Variants in EDA observed in about 807,000 individuals in gnomAD.
EDA encodes ectodysplasin-A.
Under a neutral mutation model 23.6 loss-of-function variants are expected in EDA, and 2 were observed. That is an observed-to-expected ratio of 0.08 (90% confidence interval 0.03 to 0.27). The LOEUF is 0.27. EDA is among the 10% of genes least tolerant of loss of function. The pLI is 1.00. For synonymous variants in EDA, 131 were observed against 132.0 expected, an observed-to-expected ratio of 0.99 and a Z score of 0.05; for missense variants, 229 against 324.2, an observed-to-expected ratio of 0.71 and a Z score of 2.26.
At chrX:69,980,897 C>T (rs1376373272) in intron 2 of EDA, among the ~76,000 whole-genome samples, 1 of 112,109 alleles carries the variant, frequency 8.9e-6, no homozygotes, top group East Asian at 2.8e-4. Flanking sequence ...TTTTGCCCCT[C>T]TGGGCAGGTG....
intron 1 of EDA, among the ~76,000 whole-genome samples, chrX:69,830,404 G>A (rs182969346): frequency 9.0e-6 from 1 of 111,197 alleles, no homozygotes; most frequent in Non-Finnish European, 1.9e-5. Flanking sequence ...CAGAATACTG[G>A]CTACTGCTGA....
chrX:69,895,197 T>C (rs2017993029), intron 1 of EDA, among the ~76,000 whole-genome samples: 1 of 111,640 alleles, frequency 9.0e-6, no homozygotes, highest in South Asian at 3.7e-4. Flanking sequence ...TCTGTTTATG[T>C]GATGAATCGC....
intron 2 of EDA, among the ~76,000 whole-genome samples, chrX:69,997,352 G>C (rs909728810): frequency 1.8e-5 from 2 of 111,878 alleles, no homozygotes; most frequent in African/African-American, 3.3e-5. Context: ...TCCCACCCTA[G>C]AGATTTATAG....
chrX:69,799,335 T>C (rs1242819999), intron 1 of EDA, among the ~76,000 whole-genome samples: 1 of 110,750 alleles, frequency 9.0e-6, no homozygotes, highest in Non-Finnish European at 1.9e-5. Context: ...AATGGACAAA[T>C]AGGATCACAT....
In EDA at chrX:69,670,183, G is replaced by GTTTTTTTTT. The variant is rs544601085; in HGVS notation, c.396+53490_396+53498dup. 658 of 236,016 alleles carry GTTTTTTTTT rather than the reference G, an allele frequency of 2.8e-3. 8 individuals carry two copies. The highest frequency in any genetic ancestry group is 3.8e-3 in the African/African-American group (87 of 23,170). 19.5% of individuals were successfully genotyped at this position (236,016 alleles called of 1,213,427 possible). A position where few individuals can be genotyped will look rare whatever the true frequency, so the allele number is the denominator to read the frequency against. On this transcript the variant is annotated intron_variant, in intron 1 of 7. Coordinates refer to ENST00000374552, the MANE Select transcript of EDA (RefSeq NM_001399.5). ...CTGGGTATAGTATTCTTGGCTGACT[G>GTTTTTTTTT]TTTTTTTTTTTTTTTTTTTCTTTCA...
chrX:69,907,706 G>A (rs758547004), intron 1 of EDA, among the ~76,000 whole-genome samples: 50 of 111,836 alleles, frequency 4.5e-4, no homozygotes, highest in Non-Finnish European at 7.7e-4. Flanking sequence ...AAAAGTGACA[G>A]CTGGCAGAAC....
At chrX:69,863,620 T>G (rs2017434862) in intron 1 of EDA, among the ~76,000 whole-genome samples, 1 of 75,119 alleles carries the variant, frequency 1.3e-5, no homozygotes, top group African/African-American at 5.0e-5. Context: ...TGTATATATG[T>G]GTGTATTTAT....
intron 2 of EDA, among the ~76,000 whole-genome samples, chrX:69,981,452 A>G (rs1202638729): frequency 3.7e-5 from 4 of 106,963 alleles, no homozygotes; most frequent in African/African-American, 1.3e-4. Flanking sequence ...ATAGTAAGTA[A>G]TTATAATATC....
chrX:69,677,878 A>G (rs1934165827), intron 1 of EDA, among the ~76,000 whole-genome samples: 1 of 111,828 alleles, frequency 8.9e-6, no homozygotes, highest in East Asian at 2.8e-4. Flanking sequence ...TTGGTGTTTT[A>G]GACATGAAGT....
At chrX:69,651,319 A>G (rs775148863) in intron 1 of EDA, among the ~76,000 whole-genome samples, 5 of 111,715 alleles carry the variant, frequency 4.5e-5, no homozygotes, top group Non-Finnish European at 9.4e-5. Context: ...GTGAAACTAG[A>G]ATAGTTGGAT....
intron 1 of EDA, among the ~76,000 whole-genome samples, chrX:69,858,215 C>G (rs896109905): frequency 1.8e-5 from 2 of 111,478 alleles, no homozygotes; most frequent in African/African-American, 6.5e-5. Flanking sequence ...ATTTGGATGC[C>G]CTTTATTTCA....
At chrX:69,861,128 G>C in intron 1 of EDA, 2 of 359,074 alleles carry the variant, frequency 5.6e-6, no homozygotes. Flanking sequence ...CACAGAAGAA[G>C]AAAATGATCC....
chrX:69,776,790 T>C (rs1405670675), intron 1 of EDA, among the ~76,000 whole-genome samples: 1 of 111,293 alleles, frequency 9.0e-6, no homozygotes, highest in African/African-American at 3.3e-5. Context: ...AGTTAGTAGG[T>C]GGTTGGTCTT....
intron 1 of EDA, among the ~76,000 whole-genome samples, chrX:69,699,954 A>T (rs1355730803): frequency 1.8e-5 from 2 of 110,684 alleles, no homozygotes; most frequent in Non-Finnish European, 3.8e-5. Context: ...TAGAAAAGAG[A>T]TAATTTCTTG....
intron 1 of EDA, among the ~76,000 whole-genome samples, chrX:69,863,546 C>CACAT (rs1569359017): frequency 6.3e-5 from 2 of 31,868 alleles, no homozygotes. Context: ...TATATATATA[C>CACAT]ATATATGTAT....
intron 1 of EDA, among the ~76,000 whole-genome samples, chrX:69,846,363 C>T (rs1029576030): frequency 9.0e-6 from 1 of 110,956 alleles, no homozygotes; most frequent in Non-Finnish European, 1.9e-5. Flanking sequence ...GGCACCATCT[C>T]GGCTCACTGC....
chrX:69,916,311 G>A (rs758832752), intron 1 of EDA, among the ~76,000 whole-genome samples: 1 of 107,437 alleles, frequency 9.3e-6, no homozygotes. Flanking sequence ...AGAATGCAAC[G>A]TTTATATGAA....
chrX:69,666,864 G>T (rs1933700140), intron 1 of EDA, among the ~76,000 whole-genome samples: 1 of 111,618 alleles, frequency 9.0e-6, no homozygotes, highest in African/African-American at 3.3e-5. Context: ...AGAAGTATTG[G>T]TGTTAATTCT....
chrX:69,713,418 C>T (rs1356978738), intron 1 of EDA, among the ~76,000 whole-genome samples: 2 of 111,275 alleles, frequency 1.8e-5, no homozygotes, highest in Non-Finnish European at 3.8e-5. Flanking sequence ...ATCTGTGTAG[C>T]CTTGTGTATC....
Sources: gnomAD v4.1 joint callset for allele counts (sites outside exome capture counted in the v4.1 genomes callset) on GRCh38, gnomAD v4.1.1 for gene constraint, MANE v1.5 for transcripts, NCBI Gene and HGNC (gene_info 2026-07-23, HGNC 2026-07-21) for gene names.